Variants in ZNF525 observed in about 807,000 individuals in gnomAD.
The protein encoded by ZNF525 is zinc finger protein 525.
A neutral mutation model predicts 37.6 loss-of-function variants in ZNF525; 33 were observed. That is an observed-to-expected ratio of 0.88 (90% CI 0.67 to 1.17). ZNF525 has a LOEUF of 1.17. Ranked by LOEUF, ZNF525 falls within the 50% of genes most tolerant of loss-of-function variation. ZNF525 has a pLI of 0.00. For missense variants in ZNF525, 449 were observed against 543.1 expected, an observed-to-expected ratio of 0.83 and a Z score of 1.72; for synonymous variants, 170 against 182.3, an observed-to-expected ratio of 0.93 and a Z score of 0.54.
In ZNF525 at chr19:53,381,958, T is replaced by G. The variant is rs750645427; in HGVS notation, c.1379T>G (p.Leu460Arg). 1 of 1,018,866 alleles carries G rather than the reference T, an allele frequency of 9.8e-7. No individual in the cohort carries two copies. Among genetic ancestry groups the G allele is most frequent in the Non-Finnish European group, 1.6e-6 (1 of 638,890 alleles). 63.1% of individuals were successfully genotyped at this position (1,018,866 alleles called of 1,614,324 possible). ...TTATCCCTTACCTGCCATTGTAGACTTCATAGTGGAGAGAAACCTTGCAAG... is the reference window on the plus strand; with the variant it reads ...TTATCCCTTACCTGCCATTGTAGACGTCATAGTGGAGAGAAACCTTGCAAG... ...QELSLTCHCR[L>R]HSGEKPCKCG... Residue 460 changes from leucine to arginine, a missense_variant, in exon 4 of 4, where the codon CTT becomes CGT. Around this residue, in one of 2 missense-constraint regions of ZNF525, gnomAD observed 178 missense variants for 161.5 expected, o/e 1.10. Transcript: ENST00000474037.
At chr19:53,379,204 C>T (rs1033817841) in intron 3 of ZNF525, among the ~76,000 whole-genome samples, 1 of 152,168 alleles carries the variant, frequency 6.6e-6, no homozygotes, top group Non-Finnish European at 1.5e-5. Flanking sequence ...CAAACTCTAC[C>T]TCCTGGGTTC....
At chr19:53,370,684 G>GA (rs11417342) in intron 1 of ZNF525, among the ~76,000 whole-genome samples, 35,560 of 150,968 alleles carry the variant, frequency 0.24, 4,491 homozygotes, top group East Asian at 0.51. Flanking sequence ...CCCCAAAAAT[G>GA]AAAAAAAAAT....
Position 53,382,447 on chromosome 19 carries a change from C to T in ZNF525, c.*428C>T. On this transcript the variant is annotated 3_prime_UTR_variant, in exon 4 of 4. Transcript: ENST00000474037. ...ACCTTCAGTCAGAAGTCATGCCTTA[C>T]ACGCCATCATAGACTTCATACTGGA... is the stretch of plus-strand genomic sequence containing the variant. 1 of 780,802 alleles carries T rather than the reference C, an allele frequency of 1.3e-6. No homozygotes were observed. The highest frequency in any genetic ancestry group is 2.3e-6 in the Non-Finnish European group (1 of 440,248). 48.4% of individuals were successfully genotyped at this position (780,802 alleles called of 1,614,324 possible). A position where few individuals can be genotyped will look rare whatever the true frequency, so the allele number is the denominator to read the frequency against.
intron 1 of ZNF525, among the ~76,000 whole-genome samples, chr19:53,367,229 G>C (rs905427467): frequency 6.6e-6 from 1 of 152,022 alleles, no homozygotes; most frequent in South Asian, 2.1e-4. Flanking sequence ...AACTGTTCTT[G>C]AAGTGAGCTT....
intron 2 of ZNF525, among the ~76,000 whole-genome samples, chr19:53,373,366 T>C (rs2085500967): frequency 6.6e-6 from 1 of 152,114 alleles, no homozygotes; most frequent in Non-Finnish European, 1.5e-5. Context: ...AGTGCTGAGA[T>C]TACAGGCATG....
In ZNF525 at chr19:53,381,364, G is replaced by C. The variant is rs769776551; in HGVS notation, c.785G>C (p.Arg262Pro). 1.9e-6 allele frequency: 3 copies of C among 1,595,732 alleles called. No individual in the cohort carries two copies. The highest frequency in any genetic ancestry group is 2.6e-6 in the Non-Finnish European group (3 of 1,163,246). Residue 262 changes from arginine to proline, a missense_variant, in exon 4 of 4, where the codon CGT becomes CCT. This residue lies in a region of ZNF525 where 271 missense variants were observed against 381.6 expected (regional missense o/e 0.71). Transcript: ENST00000474037. The stretch of plus-strand genomic sequence containing the variant: ...CGGAAGCGATACCTTGCACGCCATC[G>C]TAGATGTCACACTGGTGAGAAACCT... ...FIRKRYLARH[R>P]RCHTGEKPYK...
In ZNF525 at chr19:53,381,052, G is replaced by A. The variant is rs1351617519; in HGVS notation, c.473G>A (p.Gly158Glu). The change falls in exon 4 of 4, where the codon GGG becomes GAG. Residue 158 changes from glycine to glutamate, a missense_variant. Coordinates refer to ENST00000474037, the MANE Select transcript of ZNF525 (RefSeq NM_001348156.2). Reference protein sequence around the residue: ...LSELHIFQPKGKINNQVEKSI... With the variant: ...LSELHIFQPKEKINNQVEKSI... ...GAACTCCACATATTTCAGCCCAAAG[G>A]GAAAATTAATAATCAAGTGGAGAAG... is the stretch of plus-strand genomic sequence containing the variant. 2.0e-6 allele frequency: 3 copies of A among 1,535,196 alleles called. No individual in the cohort carries two copies. The highest frequency in any genetic ancestry group is 1.4e-5 in the African/African-American group (1 of 73,198).
rs991167823 is a variant in ZNF525 at position 53,381,531 on chromosome 19, A to G, written c.952A>G (p.Arg318Gly). ...ACACAATTCAGCCCTTCAAAGACATAGGAGAATTCATACTGGAGAGAAACC... is the reference window on the plus strand; with the variant it reads ...ACACAATTCAGCCCTTCAAAGACATGGGAGAATTCATACTGGAGAGAAACC... ...FRHNSALQRH[R>G]RIHTGEKPHK... Residue 318 changes from arginine to glycine, a missense_variant, in exon 4 of 4, where the codon AGG becomes GGG. Around this residue, in one of 2 missense-constraint regions of ZNF525, gnomAD observed 178 missense variants for 161.5 expected, o/e 1.10. Coordinates refer to ENST00000474037, the MANE Select transcript of ZNF525 (RefSeq NM_001348156.2). 2 of 1,245,986 alleles carry G rather than the reference A, an allele frequency of 1.6e-6. No individual in the cohort carries two copies. Among genetic ancestry groups the G allele is most frequent in the Non-Finnish European group, 2.4e-6 (2 of 844,242 alleles). 77.2% of individuals were successfully genotyped at this position (1,245,986 alleles called of 1,614,324 possible).
rs532626969 is a variant in ZNF525 at position 53,372,511 on chromosome 19, G to A, written c.15+215G>A. 3 of 848,910 alleles carry A rather than the reference G, an allele frequency of 3.5e-6. No individual in the cohort carries two copies. The African/African-American group carries it at 5.0e-5, about 14-fold the overall frequency. 52.6% of individuals were successfully genotyped at this position (848,910 alleles called of 1,614,324 possible). A position where few individuals can be genotyped will look rare whatever the true frequency, so the allele number is the denominator to read the frequency against. ...GAGGCTGCACTGGGCATGGTCTTGG[G>A]AAGGGCTCACAACCAGACATGGATG... On this transcript the variant is annotated intron_variant, in intron 2 of 3. Transcript: ENST00000474037.
At position 53,376,424 on chromosome 19, in the gene ZNF525, A is replaced by G. The variant is rs1043321740; in HGVS notation, c.142+528A>G. 3.1e-5 allele frequency: 19 copies of G among 617,094 alleles called. No homozygotes were observed. In the Admixed American group the frequency reaches 4.2e-4, roughly 14 times the overall value. The allele number at this position is 617,094 out of a possible 1,614,324, so 38.2% of individuals were successfully genotyped here. A position where few individuals can be genotyped will look rare whatever the true frequency, so the allele number is the denominator to read the frequency against. On this transcript the variant is annotated intron_variant, in intron 3 of 3. Coordinates refer to ENST00000474037, the MANE Select transcript of ZNF525 (RefSeq NM_001348156.2). ...AAGACCTTACCATTGCCTTTTTGTT[A>G]CATATTATCTGTATTTCTTGATTTT...
chr19:53,383,726 A>G lies in ZNF525; in HGVS notation c.*1707A>G. On this transcript the variant is annotated 3_prime_UTR_variant, in exon 4 of 4. Coordinates refer to ENST00000474037, the MANE Select transcript of ZNF525 (RefSeq NM_001348156.2). Reference sequence around the variant, plus strand: ...TCACTGGAGAAGCCATAATGAAGAGAGATCTTACAAATGTAATAATTGTGG... The same window carrying G: ...TCACTGGAGAAGCCATAATGAAGAGGGATCTTACAAATGTAATAATTGTGG... The G allele has an allele frequency of 1.6e-6, 1 of 622,562 alleles. No homozygotes were observed. The highest frequency in any genetic ancestry group is 2.8e-6 in the Non-Finnish European group (1 of 355,364). 38.6% of individuals were successfully genotyped at this position (622,562 alleles called of 1,614,324 possible).
At chr19:53,377,815 C>G (rs1023546717) in intron 3 of ZNF525, among the ~76,000 whole-genome samples, 2 of 152,150 alleles carry the variant, frequency 1.3e-5, no homozygotes, top group African/African-American at 2.4e-5. Flanking sequence ...CTCCCTCAGC[C>G]TCCCAAAGTG....
intron 3 of ZNF525, among the ~76,000 whole-genome samples, chr19:53,379,937 G>A (rs2085547477): frequency 6.6e-6 from 1 of 152,120 alleles, no homozygotes; most frequent in African/African-American, 2.4e-5. Flanking sequence ...AAAAGGTGGA[G>A]GTTGCAGTGA....
At chr19:53,369,715 CTTTT>C (rs57431960) in intron 1 of ZNF525, among the ~76,000 whole-genome samples, 3 of 81,202 alleles carry the variant, frequency 3.7e-5, no homozygotes, top group African/African-American at 6.4e-5. Flanking sequence ...AAAGAAGTTT[CTTTT>C]TTTTTTTTTT....
intron 1 of ZNF525, among the ~76,000 whole-genome samples, chr19:53,370,167 TC>T (rs1382032498): frequency 6.6e-6 from 1 of 150,380 alleles, no homozygotes; most frequent in East Asian, 2.0e-4. Context: ...ACGCCTGTAA[TC>T]CTAGCACTTT....
At chr19:53,367,126 C>T (rs2085453731) in intron 1 of ZNF525, among the ~76,000 whole-genome samples, 1 of 151,574 alleles carries the variant, frequency 6.6e-6, no homozygotes, top group Non-Finnish European at 1.5e-5. Flanking sequence ...TAAATACACA[C>T]GTTTGTCCTT....
At chr19:53,380,530 T>G (rs958502013) in intron 3 of ZNF525, among the ~76,000 whole-genome samples, 192 bp from the exon 4 acceptor site, 4 of 152,218 alleles carry the variant, frequency 2.6e-5, no homozygotes, top group Non-Finnish European at 4.4e-5. Context: ...GGCTTACACA[T>G]GTTTGTGCCC....
intron 3 of ZNF525, chr19:53,376,127 T>C: frequency 9.8e-7 from 1 of 1,021,394 alleles, no homozygotes; most frequent in South Asian, 1.4e-5. Flanking sequence ...TAGTTTCTTT[T>C]TTTAGAGACA....
intron 1 of ZNF525, among the ~76,000 whole-genome samples, chr19:53,367,155 G>C (rs1196029147): frequency 6.6e-6 from 1 of 151,828 alleles, no homozygotes; most frequent in Admixed American, 6.6e-5. Flanking sequence ...CTTCACCCTT[G>C]TTCTGGAGGT....
Sources: allele counts gnomAD v4.1 joint callset (sites outside exome capture counted in the v4.1 genomes callset), GRCh38; gene constraint gnomAD v4.1.1; regional missense constraint gnomAD v4.1.1; transcripts MANE v1.5; gene names NCBI Gene and HGNC (gene_info 2026-07-23, HGNC 2026-07-21).